USF3: variants seen among roughly 807,000 people sequenced by gnomAD.
USF3 encodes the protein upstream transcription factor family member 3, also known as basic helix-loop-helix domain-containing protein USF3.
USF3 carries 29 observed loss-of-function variants against 157.5 expected under a neutral mutation model. The ratio of observed to expected loss-of-function variants is 0.18; its 90% CI spans 0.14 to 0.25. USF3 has a LOEUF of 0.25. Ranked by LOEUF, USF3 falls within the 10% of genes least tolerant of loss-of-function variation. The pLI, the probability that USF3 is intolerant of heterozygous loss-of-function variation, is 1.00. For synonymous variants in USF3, 893 were observed against 941.4 expected (o/e 0.95, Z 0.94); for missense variants, 2,381 against 2,667.6 (o/e 0.89, Z 2.37).
chr3:113,656,230 T>C lies in USF3; in HGVS notation c.5452A>G (p.Ser1818Gly), dbSNP rs75025102. 63,403 of 1,614,138 alleles carry C rather than the reference T, an allele frequency of 0.039. 1,453 individuals carry two copies. The highest frequency in any genetic ancestry group is 0.091 in the Middle Eastern group (551 of 6,062). ...SRDSENTCHQ[S>G]FMQSLLAPHL... ...GGGGCAAGTAAGCTCTGCATGAAAC[T>C]TTGGTGACAAGTATTTTCACTGTCC... The change falls in exon 7 of 7, where the codon AGT becomes GGT. Residue 1818 changes from serine to glycine, a missense_variant. Ser to Gly is a moderately conservative substitution (Grantham distance 56). Transcript: ENST00000316407.
At chr3:113,676,308 T>C (rs1340751518) in intron 2 of USF3, among the ~76,000 whole-genome samples, 1 of 152,158 alleles carries the variant, frequency 6.6e-6, no homozygotes, top group Non-Finnish European at 1.5e-5. Context: ...GAAGAAATGC[T>C]CAAGACTAGG....
chr3:113,660,030 T>C lies in USF3; in HGVS notation c.1652A>G (p.Asn551Ser). ...GCTAGGTGGCTGAAGAATTATAACA[T>C]TTTGATTAGTTGGAGCTGAATTAAC... ...SAVNSAPTNQ[N>S]VIILQPPSTT... Residue 551 changes from asparagine to serine, a missense_variant, in exon 7 of 7, where the codon AAT (asparagine) becomes AGT (serine). Asn to Ser is a conservative substitution (Grantham distance 46, BLOSUM62 1). Coordinates refer to ENST00000316407, the MANE Select transcript of USF3 (RefSeq NM_001009899.4). 1 of 1,614,166 alleles carries C rather than the reference T, an allele frequency of 6.2e-7. No individual in the cohort carries two copies.
At chr3:113,688,975 G>A (rs1707622742) in intron 1 of USF3, among the ~76,000 whole-genome samples, 1 of 152,144 alleles carries the variant, frequency 6.6e-6, no homozygotes, top group Admixed American at 6.5e-5. Context: ...AGCTTGCAGT[G>A]AGCCGAGATC....
chr3:113,655,673 T>C lies in USF3; in HGVS notation c.6009A>G (p.Gln2003=). Residue 2003 remains glutamine (Q), a synonymous_variant, in exon 7 of 7, where the codon CAA becomes CAG. Transcript: ENST00000316407. ...GAAGACTTGGATCAAAGACAGTACTTTGCCTTTGGTTTCCAGAACGATTCC... is the reference window on the plus strand; with the variant it reads ...GAAGACTTGGATCAAAGACAGTACTCTGCCTTTGGTTTCCAGAACGATTCC... The part of the protein sequence containing the change: ...PERNRSGNQR[Q]STVFDPSLPH... 6.2e-7 allele frequency: 1 copy of C among 1,614,072 alleles called. No individual in the cohort carries two copies. Among genetic ancestry groups the C allele is most frequent in the South Asian group, 1.1e-5 (1 of 91,080 alleles).
intron 2 of USF3, 45 bp from the exon 3 acceptor site, chr3:113,674,941 G>C (rs1262701670): frequency 7.8e-7 from 1 of 1,288,220 alleles, no homozygotes; most frequent in African/African-American, 1.5e-5. Context: ...AGTCATTCTA[G>C]AATCTTACAA....
chr3:113,668,462 CA>C (rs1250260399), intron 5 of USF3, among the ~76,000 whole-genome samples: 2,834 of 123,582 alleles, frequency 0.023, 62 homozygotes, highest in African/African-American at 0.067. Flanking sequence ...AGCTATCCCA[CA>C]AAAAAAAAAA....
Position 113,654,135 on chromosome 3 carries a change from C to T in USF3, c.*809G>A, listed in dbSNP as rs942377083. The T allele has an allele frequency of 2.6e-5, 4 of 152,642 alleles. No individual in the cohort carries two copies. Among genetic ancestry groups the T allele is most frequent in the African/African-American group, 9.6e-5 (4 of 41,458 alleles). The allele number at this position is 152,642 out of a possible 1,614,324, so 9.5% of individuals were successfully genotyped here. A position where few individuals can be genotyped will look rare whatever the true frequency, so the allele number is the denominator to read the frequency against. On this transcript the variant is annotated 3_prime_UTR_variant, in exon 7 of 7. Transcript: ENST00000316407. ...CATTGTTAACTGCACCCATGCAAAA[C>T]TCCACAATACAACTAACTGCTTTTA...
rs916239902 is a variant in USF3, at chr3:113,653,615, A to C, written c.*1329T>G. The C allele has an allele frequency of 3.3e-5, 5 of 151,918 alleles. No homozygotes were observed. Among genetic ancestry groups the C allele is most frequent in the East Asian group, 1.9e-4 (1 of 5,184 alleles). 9.4% of individuals were successfully genotyped at this position (151,918 alleles called of 1,614,324 possible). A position where few individuals can be genotyped will look rare whatever the true frequency, so the allele number is the denominator to read the frequency against. ...CAGACTCCATCTATTAAAAAAAAAA[A>C]AAAAAAAAAAACCCTACCTATATCA... On this transcript the variant is annotated 3_prime_UTR_variant, in exon 7 of 7. Transcript: ENST00000316407.
At chr3:113,680,771 G>A (rs1285093814) in intron 1 of USF3, among the ~76,000 whole-genome samples, 3 of 148,762 alleles carry the variant, frequency 2.0e-5, no homozygotes, top group South Asian at 2.1e-4. Flanking sequence ...CCACTCCAGC[G>A]TGAGTGACAG....
intron 1 of USF3, among the ~76,000 whole-genome samples, chr3:113,691,117 A>T (rs1707672158): frequency 6.6e-6 from 1 of 152,344 alleles, no homozygotes; most frequent in East Asian, 1.9e-4. Context: ...TGAGCCCAGG[A>T]GGCGAAGGTT....
At chr3:113,687,397 T>C (rs1267301067) in intron 1 of USF3, among the ~76,000 whole-genome samples, 1 of 152,216 alleles carries the variant, frequency 6.6e-6, no homozygotes, top group Non-Finnish European at 1.5e-5. Flanking sequence ...GAGAATGGAA[T>C]TTAGAAACCA....
Position 113,649,947 on chromosome 3 carries a change from C to A in USF3, c.*4997G>T. On this transcript the variant is annotated 3_prime_UTR_variant, in exon 7 of 7. Coordinates refer to ENST00000316407, the MANE Select transcript of USF3 (RefSeq NM_001009899.4). ...GGGAAAGAAAAATGGTAATGTTCAG[C>A]CAAAAAGGCATCTTGAGAAGAAACT... 1 of 671,954 alleles carries A rather than the reference C, an allele frequency of 1.5e-6. No individual in the cohort carries two copies. The highest frequency in any genetic ancestry group is 2.7e-6 in the Non-Finnish European group (1 of 373,286). 41.6% of individuals were successfully genotyped at this position (671,954 alleles called of 1,614,324 possible).
chr3:113,674,898 T>C lies in USF3; in HGVS notation c.-18-2A>G. 6.3e-7 allele frequency: 1 copy of C among 1,594,428 alleles called. No homozygotes were observed. Among genetic ancestry groups the C allele is most frequent in the Non-Finnish European group, 8.6e-7 (1 of 1,162,092 alleles). The stretch of plus-strand genomic sequence containing the variant: ...TGGCATGGTTACAGTAATAGGAACC[T>C]ACAGAAGGATAGAAAGACACACCAG... On this transcript the variant is annotated splice_acceptor_variant, in intron 2 of 6. Coordinates refer to ENST00000316407, the MANE Select transcript of USF3 (RefSeq NM_001009899.4). LOFTEE classifies it low-confidence loss of function (5UTR_SPLICE).
Position 113,649,783 on chromosome 3 carries a change from G to A in USF3, c.*5161C>T, listed in dbSNP as rs527411449. 523 of 702,030 alleles carry A rather than the reference G, an allele frequency of 7.4e-4. No individual in the cohort carries two copies. The highest frequency in any genetic ancestry group is 1.9e-3 in the Admixed American group (95 of 49,832). 43.5% of individuals were successfully genotyped at this position (702,030 alleles called of 1,614,324 possible). On this transcript the variant is annotated 3_prime_UTR_variant, in exon 7 of 7. Coordinates refer to ENST00000316407, the MANE Select transcript of USF3 (RefSeq NM_001009899.4). ...GCTCTGTGTCCAACAAGGTCCTCAC[G>A]CTTCTTATCAGCATGGACTGACTCA...
At position 113,655,806 on chromosome 3, in the gene USF3, C is replaced by G; in HGVS notation, c.5876G>C (p.Gly1959Ala). 6.2e-7 allele frequency: 1 copy of G among 1,614,156 alleles called. No individual in the cohort carries two copies. ...PALPHPSVSH[G>A]NGDQGPAVRQ... Reference sequence around the variant, plus strand: ...TACAGCAGGGCCTTGATCGCCATTTCCATGAGACACAGATGGATGTGGCAA... The same window carrying G: ...TACAGCAGGGCCTTGATCGCCATTTGCATGAGACACAGATGGATGTGGCAA... Residue 1959 changes from glycine (G) to alanine (A), a missense_variant, in exon 7 of 7, where the codon GGA becomes GCA. By Grantham distance (60) the Gly-to-Ala change is moderately conservative. Transcript: ENST00000316407.
intron 4 of USF3, 74 bp downstream of exon 4, chr3:113,673,274 C>G: frequency 1.1e-6 from 1 of 945,198 alleles, no homozygotes; most frequent in Non-Finnish European, 1.7e-6. Flanking sequence ...AACATAAAAA[C>G]TTATAATCAA....
intron 1 of USF3, among the ~76,000 whole-genome samples, chr3:113,685,866 T>C (rs1481456998): frequency 6.6e-6 from 1 of 152,294 alleles, no homozygotes; most frequent in Non-Finnish European, 1.5e-5. Context: ...GGGGGCTTTA[T>C]TTTACTGTAG....
chr3:113,657,398 T>C lies in USF3; in HGVS notation c.4284A>G (p.Glu1428=), dbSNP rs1424594605. The C allele has an allele frequency of 6.2e-7, 1 of 1,613,996 alleles. No homozygotes were observed. Among genetic ancestry groups the C allele is most frequent in the Non-Finnish European group, 8.5e-7 (1 of 1,180,018 alleles). ...GCTGACTTGCCTGGGTTTGCTGCTGTTCAGCAACTGAAGGCTGAGAACCAC... is the reference window on the plus strand; with the variant it reads ...GCTGACTTGCCTGGGTTTGCTGCTGCTCAGCAACTGAAGGCTGAGAACCAC... ...VQCGSQPSVA[E]QQQTQASQHL... The change falls in exon 7 of 7, where the codon GAA becomes GAG. Residue 1428 remains glutamate, a synonymous_variant. Coordinates refer to ENST00000316407, the MANE Select transcript of USF3 (RefSeq NM_001009899.4).
At chr3:113,661,515 T>C in intron 6 of USF3, 90 bp from the exon 7 acceptor site, 1 of 684,376 alleles carries the variant, frequency 1.5e-6, no homozygotes, top group South Asian at 2.4e-5. Context: ...AACTACTGAA[T>C]TCTAATTCTA....
Sources: allele counts gnomAD v4.1 joint callset (sites outside exome capture counted in the v4.1 genomes callset), GRCh38; gene constraint gnomAD v4.1.1; transcripts MANE v1.5; gene names NCBI Gene and HGNC (gene_info 2026-07-23, HGNC 2026-07-21).